The following MCC variants were observed in gnomAD, a reference collection of about 807,000 sequenced individuals.
MCC encodes MCC regulator of Wnt signaling pathway, also known as colorectal mutant cancer protein.
A neutral mutation model predicts 116.2 loss-of-function variants in MCC; 90 were observed. The observed-to-expected ratio is 0.77, with a 90% CI of 0.65 to 0.92. The LOEUF is 0.92. Ranked by LOEUF, MCC falls within the 40% of genes least tolerant of loss-of-function variation. MCC has a pLI of 0.00. For missense variants in MCC, 1,516 were observed against 1,312.2 expected (o/e 1.16, Z -2.40); for synonymous variants, 578 against 510.5 (o/e 1.13, Z -1.78).
intron 8 of MCC, among the ~76,000 whole-genome samples, chr5:113,087,447 A>G (rs2150245959): frequency 6.6e-6 from 1 of 152,334 alleles, no homozygotes; most frequent in East Asian, 1.9e-4. Flanking sequence ...CTGCTGATGA[A>G]GGATTACAGG....
intron 1 of MCC, among the ~76,000 whole-genome samples, chr5:113,482,415 A>C (rs1317549114): frequency 1.3e-5 from 2 of 152,178 alleles, no homozygotes; most frequent in African/African-American, 2.4e-5. Flanking sequence ...CATCCTTGTC[A>C]ACACTTATTA....
chr5:113,256,695 G>A (rs1468615495), intron 3 of MCC, among the ~76,000 whole-genome samples: 5 of 152,180 alleles, frequency 3.3e-5, no homozygotes, highest in African/African-American at 4.8e-5. Context: ...GGAAGCCTGA[G>A]AGACATCCAA....
intron 3 of MCC, among the ~76,000 whole-genome samples, chr5:113,277,800 T>C (rs1056665283): frequency 6.6e-6 from 1 of 152,212 alleles, no homozygotes; most frequent in Non-Finnish European, 1.5e-5. Context: ...GAATAAACTA[T>C]ATGTCTACAT....
At chr5:113,388,975 C>T (rs763961405) in intron 1 of MCC, among the ~76,000 whole-genome samples, 9 of 152,268 alleles carry the variant, frequency 5.9e-5, no homozygotes, top group East Asian at 3.9e-4. Flanking sequence ...AGGGACAGCA[C>T]TAACATGAGC....
chr5:113,033,079 T>C (rs180796099), intron 17 of MCC, among the ~76,000 whole-genome samples: 1 of 152,374 alleles, frequency 6.6e-6, no homozygotes, highest in African/African-American at 2.4e-5. Context: ...CATTTTACTC[T>C]GTGGGCTTGC....
At position 113,076,183 on chromosome 5, in the gene MCC, T is replaced by C. The variant is rs547097331; in HGVS notation, c.1785-4949A>G. ...GTGAAAAGACCAAATCTACATCTGA[T>C]TGGTGGACCTGAAAGTGATGGGGAG... On this transcript the variant is annotated intron_variant, in intron 11 of 18. Coordinates refer to ENST00000408903, the MANE Select transcript of MCC (RefSeq NM_001085377.2). 2.0e-3 allele frequency among the ~76,000 whole-genome samples: 308 copies of C among 152,218 alleles called. 1 individual carries two copies. Among genetic ancestry groups the C allele is most frequent in the Non-Finnish European group, 3.3e-3 (222 of 68,026 alleles).
intron 1 of MCC, among the ~76,000 whole-genome samples, chr5:113,409,359 C>CT (rs879482896): frequency 9.4e-4 from 139 of 147,708 alleles, no homozygotes; most frequent in Middle Eastern, 3.5e-3. Flanking sequence ...CTGTTAAATA[C>CT]TTTTTTTTTT....
At chr5:113,346,160 AC>A (rs1188591080) in intron 2 of MCC, among the ~76,000 whole-genome samples, 3 of 152,212 alleles carry the variant, frequency 2.0e-5, no homozygotes, top group African/African-American at 7.2e-5. Context: ...GAGGGGTGAC[AC>A]AAGCACAGTC....
chr5:113,274,767 A>C (rs1765761025), intron 3 of MCC, among the ~76,000 whole-genome samples: 1 of 152,212 alleles, frequency 6.6e-6, no homozygotes, highest in Admixed American at 6.5e-5. Context: ...TGGTGGGTCT[A>C]ATACTGGGTG....
chr5:113,413,963 T>A (rs1770068181), intron 1 of MCC, among the ~76,000 whole-genome samples: 1 of 152,240 alleles, frequency 6.6e-6, no homozygotes, highest in Non-Finnish European at 1.5e-5. Context: ...GAGATTCTTG[T>A]ATGTTGTGTC....
At chr5:113,210,411 A>ATATAAGGAC (rs1763087378) in intron 3 of MCC, among the ~76,000 whole-genome samples, 1 of 151,838 alleles carries the variant, frequency 6.6e-6, no homozygotes, top group African/African-American at 2.4e-5. Flanking sequence ...TTAGTCTGGA[A>ATATAAGGAC]TATAAGCTTA....
At chr5:113,139,625 G>T (rs142427105) in intron 5 of MCC, among the ~76,000 whole-genome samples, 5,525 of 152,280 alleles carry the variant, frequency 0.036, 178 homozygotes, top group African/African-American at 0.083. Flanking sequence ...AGAGGATGTG[G>T]AGAAACAGTA....
chr5:113,412,940 G>A lies in MCC; in HGVS notation c.171-27728C>T, dbSNP rs567498487. On this transcript the variant is annotated intron_variant, in intron 1 of 18. Coordinates refer to ENST00000408903, the MANE Select transcript of MCC (RefSeq NM_001085377.2). ...AATAGCTCTTATTATTTTGAGATAC[G>A]TCCCATCAATACCTAGCTTATTGAG... Among the ~76,000 whole-genome samples the A allele has an allele frequency of 3.9e-5, 6 of 152,108 alleles. No homozygotes were observed. In the East Asian group the frequency reaches 5.8e-4, roughly 15 times the overall value.
intron 3 of MCC, among the ~76,000 whole-genome samples, chr5:113,233,564 T>C (rs1204998602): frequency 1.3e-5 from 2 of 152,180 alleles, no homozygotes; most frequent in African/African-American, 2.4e-5. Flanking sequence ...AGGAATAAAA[T>C]GGCTATTTCT....
chr5:113,158,688 G>A (rs531841272), intron 3 of MCC, among the ~76,000 whole-genome samples: 64 of 152,328 alleles, frequency 4.2e-4, no homozygotes, highest in Middle Eastern at 6.8e-3. Flanking sequence ...GGAAACCAAG[G>A]CACAGAAGAG....
chr5:113,040,176 T>G (rs1332031953), intron 17 of MCC, among the ~76,000 whole-genome samples: 1 of 89,552 alleles, frequency 1.1e-5, no homozygotes, highest in Non-Finnish European at 2.4e-5. Flanking sequence ...ATACATACAG[T>G]AAAGGCGGGG....
At chr5:113,101,132 C>A (rs1184334877) in intron 8 of MCC, among the ~76,000 whole-genome samples, 1 of 152,128 alleles carries the variant, frequency 6.6e-6, no homozygotes. Context: ...AGGTCAGGCC[C>A]TAGGGTGAAT....
At chr5:113,120,474 AG>A (rs1757674622) in intron 6 of MCC, among the ~76,000 whole-genome samples, 1 of 152,202 alleles carries the variant, frequency 6.6e-6, no homozygotes, top group Non-Finnish European at 1.5e-5. Flanking sequence ...CTTCCTTATT[AG>A]AGCCTCCTCT....
At chr5:113,413,668 CTTT>C (rs1196007820) in intron 1 of MCC, among the ~76,000 whole-genome samples, 11 of 151,992 alleles carry the variant, frequency 7.2e-5, no homozygotes, top group East Asian at 1.9e-4. Context: ...CTCTTTTCTT[CTTT>C]ATTAGTCTTG....
Sources: gnomAD v4.1 joint callset for allele counts (sites outside exome capture counted in the v4.1 genomes callset) on GRCh38, gnomAD v4.1.1 for gene constraint, MANE v1.5 for transcripts, NCBI Gene and HGNC (gene_info 2026-07-23, HGNC 2026-07-21) for gene names.